The following SUDS3 variants were observed in gnomAD, a reference collection of about 807,000 sequenced individuals.
SUDS3 encodes SIN3A corepressor complex component SDS3, also known as sin3 histone deacetylase corepressor complex component SDS3.
SUDS3 carries 23 observed loss-of-function variants against 53.5 expected under a neutral mutation model. The ratio of observed to expected loss-of-function variants is 0.43; its 90% CI spans 0.31 to 0.61. SUDS3 has a LOEUF of 0.61. SUDS3 is among the 20% of genes least tolerant of loss of function. The pLI is 0.10. For synonymous variants in SUDS3, 150 were observed against 148.5 expected (o/e 1.01, Z -0.08); for missense variants, 291 against 405.9 (o/e 0.72, Z 2.43).
chr12:118,380,001 C>A (rs1328951454), intron 1 of SUDS3, among the ~76,000 whole-genome samples, 161 bp from the exon 2 acceptor site: 1 of 152,158 alleles, frequency 6.6e-6, no homozygotes, highest in African/African-American at 2.4e-5. Flanking sequence ...TAGGGATGGC[C>A]TACTAACTGT....
chr12:118,402,315 A>G, intron 9 of SUDS3: 1 of 397,776 alleles, frequency 2.5e-6, no homozygotes, highest in Non-Finnish European at 4.5e-6. Flanking sequence ...CCATTTTTGA[A>G]AATGAAACCA....
At chr12:118,381,365 C>T (rs754763660) in intron 2 of SUDS3, among the ~76,000 whole-genome samples, 5 of 151,092 alleles carry the variant, frequency 3.3e-5, no homozygotes, top group African/African-American at 9.7e-5. Flanking sequence ...CCACCATGCC[C>T]GGCTAATTTT....
At chr12:118,387,683 C>A (rs1404971832) in intron 4 of SUDS3, among the ~76,000 whole-genome samples, 3 of 152,022 alleles carry the variant, frequency 2.0e-5, no homozygotes, top group African/African-American at 7.2e-5. Flanking sequence ...TCCTGAGTAG[C>A]TGGAATTACA....
At chr12:118,397,129 C>T (rs1220353248) in intron 6 of SUDS3, among the ~76,000 whole-genome samples, 5 of 152,108 alleles carry the variant, frequency 3.3e-5, no homozygotes, top group Non-Finnish European at 7.3e-5. Flanking sequence ...ACCTCTGGAT[C>T]AGAGAGGGTT....
chr12:118,401,117 A>G (rs1006339098), intron 7 of SUDS3, among the ~76,000 whole-genome samples: 7 of 152,232 alleles, frequency 4.6e-5, no homozygotes, highest in African/African-American at 1.4e-4. Context: ...GAAGGCAGTA[A>G]TATCTACCTT....
chr12:118,400,609 T>C (rs2046255355), intron 6 of SUDS3, 50 bp from the exon 7 acceptor site: 3 of 1,557,238 alleles, frequency 1.9e-6, no homozygotes, highest in Admixed American at 3.3e-5. Context: ...AAATTCTTAC[T>C]GACTTCAAGT....
intron 11 of SUDS3, among the ~76,000 whole-genome samples, chr12:118,411,524 G>A (rs1369678278): frequency 6.6e-6 from 1 of 151,418 alleles, no homozygotes; most frequent in Non-Finnish European, 1.5e-5. Flanking sequence ...TTGAGACAGA[G>A]TCTCACTCTG....
intron 6 of SUDS3, among the ~76,000 whole-genome samples, chr12:118,397,724 A>T (rs923149046): frequency 2.1e-5 from 3 of 146,298 alleles, no homozygotes; most frequent in African/African-American, 7.4e-5. Context: ...AATAAAATAG[A>T]TTTTTTTTTT....
chr12:118,414,145 C>T (rs1215401491), intron 11 of SUDS3, among the ~76,000 whole-genome samples, 190 bp from the exon 12 acceptor site: 1 of 152,210 alleles, frequency 6.6e-6, no homozygotes, highest in African/African-American at 2.4e-5. Context: ...TGCCTGTTCC[C>T]AGCGGCATGC....
intron 4 of SUDS3, among the ~76,000 whole-genome samples, chr12:118,387,543 T>C (rs1207811250): frequency 1.3e-5 from 2 of 151,884 alleles, no homozygotes; most frequent in African/African-American, 4.8e-5. Flanking sequence ...CTCTCAATCA[T>C]GTCCTCATGT....
chr12:118,383,921 AT>A, intron 2 of SUDS3, 90 bp from the exon 3 acceptor site: 2 of 1,237,198 alleles, frequency 1.6e-6, no homozygotes, highest in Non-Finnish European at 2.3e-6. Flanking sequence ...TGACCTTCCC[AT>A]AACAGCCCAG....
In SUDS3 at chr12:118,408,099, C is replaced by T. The variant is rs1195863331; in HGVS notation, c.804-2974C>T. On this transcript the variant is annotated intron_variant, in intron 10 of 11. Transcript: ENST00000543473. The stretch of plus-strand genomic sequence containing the variant: ...TATTTTTAGTACAGACGGGGTTTCA[C>T]CATGTTCGCCAGGATGGCCTCTATC... 4.6e-5 allele frequency among the ~76,000 whole-genome samples: 7 copies of T among 152,200 alleles called. No individual in the cohort carries two copies. In the East Asian group the frequency reaches 1.2e-3, roughly 25 times the overall value.
At chr12:118,377,852 C>G (rs904939580) in intron 1 of SUDS3, among the ~76,000 whole-genome samples, 2 of 152,116 alleles carry the variant, frequency 1.3e-5, no homozygotes, top group Non-Finnish European at 2.9e-5. Context: ...TCTGAGTTTC[C>G]CGAGTGCCAA....
At chr12:118,402,865 A>C (rs1261624906) in intron 9 of SUDS3, among the ~76,000 whole-genome samples, 2 of 151,080 alleles carry the variant, frequency 1.3e-5, no homozygotes, top group African/African-American at 4.9e-5. Context: ...GGTTCAAGTG[A>C]TTCTCCTGTC....
chr12:118,407,521 T>C (rs2046318451), intron 10 of SUDS3, among the ~76,000 whole-genome samples: 1 of 152,158 alleles, frequency 6.6e-6, no homozygotes, highest in Admixed American at 6.5e-5. Flanking sequence ...TAGACCAGCT[T>C]GCATTGTTTA....
At position 118,376,754 on chromosome 12, in the gene SUDS3, G is replaced by A; in HGVS notation, c.63G>A (p.Glu21=). 1 of 1,545,838 alleles carries A rather than the reference G, an allele frequency of 6.5e-7. No individual in the cohort carries two copies. The highest frequency in any genetic ancestry group is 1.2e-5 in the South Asian group (1 of 83,682). ...PAQAGAPPAP[E]YYPEEDEELE... The stretch of plus-strand genomic sequence containing the variant: ...AGGCTGGAGCGCCGCCGGCCCCCGA[G>A]TACTACCCCGAGGAGGATGAAGAGC... The change falls in exon 1 of 12, where the codon GAG becomes GAA. Residue 21 remains glutamate (E), a synonymous_variant. Transcript: ENST00000543473.
At chr12:118,378,895 G>A (rs533913280) in intron 1 of SUDS3, among the ~76,000 whole-genome samples, 3 of 151,892 alleles carry the variant, frequency 2.0e-5, no homozygotes, top group African/African-American at 4.8e-5. Flanking sequence ...GGCTGGTCTC[G>A]AACTCCCGAC....
At chr12:118,399,913 C>T (rs184794828) in intron 6 of SUDS3, among the ~76,000 whole-genome samples, 1 of 151,960 alleles carries the variant, frequency 6.6e-6, no homozygotes, top group African/African-American at 2.4e-5. Context: ...GGTTGGGATA[C>T]AGTCTGAAAG....
chr12:118,383,906 A>G (rs1236137913), intron 2 of SUDS3, 106 bp from the exon 3 acceptor site: 5 of 991,816 alleles, frequency 5.0e-6, no homozygotes, highest in East Asian at 2.6e-5. Context: ...CCTGAAGGAC[A>G]TTAATGACCT....
Sources: gnomAD v4.1 joint callset for allele counts (sites outside exome capture counted in the v4.1 genomes callset) on GRCh38, gnomAD v4.1.1 for gene constraint, MANE v1.5 for transcripts, NCBI Gene and HGNC (gene_info 2026-07-23, HGNC 2026-07-21) for gene names.